The following PGAP1 variants were observed in gnomAD, a reference collection of about 807,000 sequenced individuals.
PGAP1 encodes GPI inositol-deacylase.
A neutral mutation model predicts 127.0 loss-of-function variants in PGAP1; 76 were observed. The observed-to-expected ratio is 0.60, with a 90% CI of 0.50 to 0.72. The LOEUF is 0.72. Among genes scored for constraint, PGAP1 ranks in the 30% least tolerant of loss-of-function variants. The pLI is 0.00. For missense variants in PGAP1, 982 were observed against 1,071.3 expected, an observed-to-expected ratio of 0.92 and a Z score of 1.16; for synonymous variants, 362 against 366.5, an observed-to-expected ratio of 0.99 and a Z score of 0.14.
chr2:196,842,935 A>G (rs574510341), intron 25 of PGAP1, 110 bp from the exon 26 acceptor site: 5 of 456,020 alleles, frequency 1.1e-5, no homozygotes, highest in South Asian at 1.1e-4. Context: ...CAATATGGAT[A>G]TAAGAGAGCT....
chr2:196,902,638 C>T lies in PGAP1; in HGVS notation c.754G>A (p.Gly252Arg). 6.2e-7 allele frequency: 1 copy of T among 1,613,628 alleles called. No homozygotes were observed. The highest frequency in any genetic ancestry group is 8.5e-7 in the Non-Finnish European group (1 of 1,179,752). Residue 252 changes from glycine to arginine, a missense_variant, in exon 5 of 27, where the codon GGA (glycine) becomes AGA (arginine). Coordinates refer to ENST00000354764, the MANE Select transcript of PGAP1 (RefSeq NM_024989.4). ...GGFRDYQVRS[G>R]LTFLPKLSHH... is the part of the protein sequence containing the mutation. ...CTTAATTTTGGTAGAAAAGTCAATC[C>T]TGAACGAACTTGGTAATCCCGGAAT...
intron 5 of PGAP1, among the ~76,000 whole-genome samples, chr2:196,900,325 T>C (rs332301): frequency 0.27 from 40,531 of 152,128 alleles, 6,480 homozygotes; most frequent in African/African-American, 0.45. Flanking sequence ...AGTGTCATTA[T>C]CTGTGTGGGA....
chr2:196,859,046 G>T (rs1423936714), intron 20 of PGAP1, among the ~76,000 whole-genome samples: 1 of 152,094 alleles, frequency 6.6e-6, no homozygotes, highest in Admixed American at 6.6e-5. Flanking sequence ...AAATAATGAG[G>T]CTGGGCATGG....
chr2:196,885,266 C>T (rs1432393209), intron 12 of PGAP1, among the ~76,000 whole-genome samples, 158 bp downstream of exon 12: 2 of 152,066 alleles, frequency 1.3e-5, no homozygotes, highest in Non-Finnish European at 2.9e-5. Flanking sequence ...TATTCCCTAT[C>T]AAATGTATTT....
rs142041934 is a variant in PGAP1 at position 196,841,326 on chromosome 2, C to A, written c.2677G>T (p.Gly893Cys). 6.2e-6 allele frequency: 10 copies of A among 1,613,688 alleles called. No individual in the cohort carries two copies. In the African/African-American group the frequency reaches 1.2e-4, roughly 19 times the overall value. The change falls in exon 27 of 27, where the codon GGT (glycine) becomes TGT (cysteine). Residue 893 changes from glycine (G) to cysteine (C), a missense_variant. By Grantham distance (159) the Gly-to-Cys change is radical. Coordinates refer to ENST00000354764, the MANE Select transcript of PGAP1 (RefSeq NM_024989.4). ...TSQFPLPLAV[G>C]VIAFGSAHLY... is the part of the protein sequence containing the mutation. ...TGTGCTGACCCAAAAGCAATCACACCAACAGCCAGAGGAAGTGGAAATTGT... is the reference window on the plus strand; with the variant it reads ...TGTGCTGACCCAAAAGCAATCACACAAACAGCCAGAGGAAGTGGAAATTGT...
intron 10 of PGAP1, among the ~76,000 whole-genome samples, chr2:196,889,057 A>T (rs868232262): frequency 2.6e-5 from 4 of 152,224 alleles, no homozygotes; most frequent in Admixed American, 6.5e-5. Context: ...AGATTTTTTT[A>T]AAATTCACAT....
At chr2:196,896,146 G>A (rs1326427016) in intron 7 of PGAP1, among the ~76,000 whole-genome samples, 2 of 152,170 alleles carry the variant, frequency 1.3e-5, no homozygotes, top group Non-Finnish European at 2.9e-5. Flanking sequence ...GTGATAATCT[G>A]TAAAGGATAC....
At chr2:196,877,022 C>T (rs1701589310) in intron 13 of PGAP1, among the ~76,000 whole-genome samples, 1 of 151,974 alleles carries the variant, frequency 6.6e-6, no homozygotes, top group Non-Finnish European at 1.5e-5. Context: ...CTATATCAGA[C>T]AGGGAAGCAG....
At chr2:196,852,440 G>A (rs1032888476) in intron 20 of PGAP1, among the ~76,000 whole-genome samples, 2 of 151,842 alleles carry the variant, frequency 1.3e-5, no homozygotes, top group African/African-American at 4.8e-5. Context: ...CAAATTACTT[G>A]TTAAATTTAA....
At chr2:196,889,725 G>A (rs892792617) in intron 10 of PGAP1, among the ~76,000 whole-genome samples, 2 of 151,730 alleles carry the variant, frequency 1.3e-5, no homozygotes, top group African/African-American at 4.8e-5. Flanking sequence ...CAGGCATGGT[G>A]GCAAGCGCCT....
chr2:196,873,003 G>T lies in PGAP1; in HGVS notation c.1576C>A (p.Leu526Ile). The change falls in exon 17 of 27, where the codon CTT becomes ATT. Residue 526 changes from leucine (L) to isoleucine (I), a missense_variant. Transcript: ENST00000354764. ...VKEEITSIYRLHIPWSYEDSL... is the reference protein window; with the variant it reads ...VKEEITSIYRIHIPWSYEDSL... ...TCTTCATAAGACCAAGGAATATGAA[G>T]TCTATAGATACTGGTTATTTCTTCT... 2 of 1,006,772 alleles carry T rather than the reference G, an allele frequency of 2.0e-6. No homozygotes were observed. Among genetic ancestry groups the T allele is most frequent in the South Asian group, 1.5e-5 (1 of 65,644 alleles). 62.4% of individuals were successfully genotyped at this position (1,006,772 alleles called of 1,614,324 possible). A position where few individuals can be genotyped will look rare whatever the true frequency, so the allele number is the denominator to read the frequency against.
In PGAP1 at chr2:196,902,702, A is replaced by G. The variant is rs1215432216; in HGVS notation, c.690T>C (p.Ala230=). The G allele has an allele frequency of 2.5e-6, 4 of 1,612,364 alleles. No individual in the cohort carries two copies. The highest frequency in any genetic ancestry group is 1.3e-5 in the African/African-American group (1 of 74,892). ...AAAGTGTGGTTAAATTTATGTGTCG[A>G]GCATTTAGAATCCAATAGTTGTTTA... ...TTVNNYWILN[A]RHINLTTLSV... The change falls in exon 5 of 27, where the codon GCT becomes GCC. Residue 230 remains alanine (A), a synonymous_variant. Coordinates refer to ENST00000354764, the MANE Select transcript of PGAP1 (RefSeq NM_024989.4).
In PGAP1 at chr2:196,880,080, C is replaced by T. The variant is rs768399432; in HGVS notation, c.1346G>A (p.Ser449Asn). The change falls in exon 13 of 27, where the codon AGT (serine) becomes AAT (asparagine). Residue 449 changes from serine (S) to asparagine (N), a missense_variant. Transcript: ENST00000354764. ...CAATCTTAACCCACTTGTTACCTTA[C>T]TTCCACGAACAGATGGTACATAAAC... is the stretch of plus-strand genomic sequence containing the variant. ...LVVYVPSVRG[S>N]KFVVDCEFFK... is the part of the protein sequence containing the mutation. 16 of 1,601,602 alleles carry T rather than the reference C, an allele frequency of 1.0e-5. No homozygotes were observed. The Admixed American group carries it at 2.5e-4, about 25-fold the overall frequency.
chr2:196,844,051 C>T lies in PGAP1; in HGVS notation c.2362G>A (p.Glu788Lys). 2.5e-6 allele frequency: 4 copies of T among 1,593,324 alleles called. No individual in the cohort carries two copies. Among genetic ancestry groups the T allele is most frequent in the Non-Finnish European group, 3.4e-6 (4 of 1,166,940 alleles). Residue 788 changes from glutamate to lysine, a missense_variant, in exon 25 of 27, where the codon GAA becomes AAA. Physicochemically the swap from Glu to Lys is moderately conservative, Grantham distance 56. Coordinates refer to ENST00000354764, the MANE Select transcript of PGAP1 (RefSeq NM_024989.4). Reference protein sequence around the residue: ...PVNPKHSRRSEKKSNHHKDSS... With the variant: ...PVNPKHSRRSKKKSNHHKDSS... ...TCTTTATGATGATTGGATTTCTTTTCACTTCTTCTAGAGTGTTTGGGATTC... is the reference window on the plus strand; with the variant it reads ...TCTTTATGATGATTGGATTTCTTTTTACTTCTTCTAGAGTGTTTGGGATTC...
chr2:196,879,791 T>C (rs1034579842), intron 13 of PGAP1, among the ~76,000 whole-genome samples: 3 of 152,180 alleles, frequency 2.0e-5, no homozygotes, highest in Non-Finnish European at 2.9e-5. Context: ...TAATAATTCA[T>C]AGGTTTTGCA....
chr2:196,885,986 G>T, intron 10 of PGAP1, 106 bp from the exon 11 acceptor site: 3 of 612,428 alleles, frequency 4.9e-6, no homozygotes, highest in Non-Finnish European at 7.4e-6. Flanking sequence ...GATATAGGGT[G>T]ACTAGGAGCA....
rs1700153231 is a variant in PGAP1, at chr2:196,833,575, C to A, written c.*7659G>T. On this transcript the variant is annotated 3_prime_UTR_variant, in exon 27 of 27. Transcript: ENST00000354764. Reference sequence around the variant, plus strand: ...GAGAGCCATTTATTTTATTACATACCCTTGCTCAAACTACCTTCATGTCAA... The same window carrying A: ...GAGAGCCATTTATTTTATTACATACACTTGCTCAAACTACCTTCATGTCAA... 6.6e-6 allele frequency: 1 copy of A among 151,912 alleles called. No homozygotes were observed. Among genetic ancestry groups the A allele is most frequent in the South Asian group, 2.1e-4 (1 of 4,808 alleles). 9.4% of individuals were successfully genotyped at this position (151,912 alleles called of 1,614,324 possible).
At chr2:196,923,646 C>A (rs972046649) in intron 1 of PGAP1, among the ~76,000 whole-genome samples, 3 of 151,802 alleles carry the variant, frequency 2.0e-5, no homozygotes, top group African/African-American at 7.2e-5. Context: ...ATATATGACT[C>A]ATATTTTCTT....
intron 19 of PGAP1, among the ~76,000 whole-genome samples, chr2:196,868,989 AT>A (rs967842102): frequency 3.9e-5 from 6 of 152,190 alleles, no homozygotes; most frequent in South Asian, 4.1e-4. Flanking sequence ...TATTTTTTTA[AT>A]TTTTTTATAG....
Sources: gnomAD v4.1 joint callset for allele counts (sites outside exome capture counted in the v4.1 genomes callset) on GRCh38, gnomAD v4.1.1 for gene constraint, MANE v1.5 for transcripts, NCBI Gene and HGNC (gene_info 2026-07-23, HGNC 2026-07-21) for gene names.